The following ATP8B1 variants were observed in gnomAD, a reference collection of about 807,000 sequenced individuals.
ATP8B1 encodes phospholipid-transporting ATPase IC.
In ATP8B1, 80 loss-of-function variants were observed where a neutral mutation model predicts 149.9. The ratio of observed to expected loss-of-function variants is 0.53; its 90% CI spans 0.45 to 0.64. ATP8B1 has a LOEUF of 0.64. Ranked by LOEUF, ATP8B1 falls within the 30% of genes least tolerant of loss-of-function variation. The probability of loss-of-function intolerance (pLI) is 0.00; values close to 1 mark genes in which losing one functional copy is unlikely to be tolerated. For missense variants in ATP8B1, 1,247 were observed against 1,552.6 expected (o/e 0.80, Z 3.31); for synonymous variants, 536 against 562.8 (o/e 0.95, Z 0.67).
In ATP8B1 at chr18:57,755,945, T is replaced by C. The variant is rs550950043; in HGVS notation, c.-25-24113A>G. Among the ~76,000 whole-genome samples, 442 of 152,118 alleles carry C rather than the reference T, an allele frequency of 2.9e-3. 2 individuals carry two copies. Among genetic ancestry groups the C allele is most frequent in the African/African-American group, 9.9e-3 (412 of 41,480 alleles). ...GAACCATTTGAGCTTAAGTTACATATAGTTCATTATCCCCCTTTACCCCTA... is the reference window on the plus strand; with the variant it reads ...GAACCATTTGAGCTTAAGTTACATACAGTTCATTATCCCCCTTTACCCCTA... On this transcript the variant is annotated intron_variant, in intron 1 of 27. Coordinates refer to ENST00000648908, the MANE Select transcript of ATP8B1 (RefSeq NM_001374385.1).
chr18:57,799,503 A>G (rs142578883), intron 1 of ATP8B1, among the ~76,000 whole-genome samples: 4,618 of 152,196 alleles, frequency 0.03, 243 homozygotes, highest in African/African-American at 0.099. Context: ...TGAGGCCAGG[A>G]GTTTGAGACT....
chr18:57,730,189 A>G (rs988234476), intron 2 of ATP8B1, among the ~76,000 whole-genome samples: 3 of 150,316 alleles, frequency 2.0e-5, no homozygotes, highest in African/African-American at 7.3e-5. Flanking sequence ...AAATTATTAG[A>G]AAAAAATAGC....
At position 57,761,044 on chromosome 18, in the gene ATP8B1, AATAAAATAAC is replaced by A. The variant is rs1220732805; in HGVS notation, c.-25-29222_-25-29213del. Among the ~76,000 whole-genome samples, 330 of 148,282 alleles carry A rather than the reference AATAAAATAAC, an allele frequency of 2.2e-3. 2 individuals carry two copies. The highest frequency in any genetic ancestry group is 7.5e-3 in the African/African-American group (303 of 40,314). On this transcript the variant is annotated intron_variant, in intron 1 of 27. Coordinates refer to ENST00000648908, the MANE Select transcript of ATP8B1 (RefSeq NM_001374385.1). ...AAATAACATAAAATAAAATAAATAA[AATAAAATAAC>A]ATAAAATAACATAAAATAAAATAAA...
At chr18:57,795,081 G>A (rs2080500081) in intron 1 of ATP8B1, among the ~76,000 whole-genome samples, 1 of 152,154 alleles carries the variant, frequency 6.6e-6, no homozygotes, top group South Asian at 2.1e-4. Context: ...TGTATGCCCA[G>A]GTCCATGGCA....
chr18:57,659,426 C>G (rs1454452707), intron 22 of ATP8B1, among the ~76,000 whole-genome samples: 2 of 152,244 alleles, frequency 1.3e-5, no homozygotes, highest in Admixed American at 6.5e-5. Context: ...TGTTTCAAGT[C>G]TAAGTCACAT....
chr18:57,670,337 TTTTTTC>T (rs534984328), intron 17 of ATP8B1, among the ~76,000 whole-genome samples: 5 of 151,540 alleles, frequency 3.3e-5, no homozygotes, highest in South Asian at 2.1e-4. Context: ...CATTTTCTTT[TTTTTTC>T]TTTTTCTTTT....
rs1599096783 is a variant in ATP8B1 at position 57,671,386 on chromosome 18, TACAGCTTTC to T, written c.1932+73_1932+81del. The T allele has an allele frequency of 2.4e-6, 3 of 1,232,010 alleles. No individual in the cohort carries two copies. In the East Asian group the frequency reaches 7.0e-5, roughly 29 times the overall value. 76.3% of individuals were successfully genotyped at this position (1,232,010 alleles called of 1,614,324 possible). A position where few individuals can be genotyped will look rare whatever the true frequency, so the allele number is the denominator to read the frequency against. ...GCAAAGGGAGGGTCAGCAGTTAACA[TACAGCTTTC>T]ATGCAAACTTAACAGACAGCATCAG... On this transcript the variant is annotated intron_variant, in intron 17 of 27. Transcript: ENST00000648908.
intron 3 of ATP8B1, 60 bp downstream of exon 3, chr18:57,706,430 T>C: frequency 1.4e-6 from 2 of 1,392,070 alleles, no homozygotes; most frequent in Middle Eastern, 1.8e-4. Flanking sequence ...GTAGTAAGCA[T>C]GCCAGCTACT....
At chr18:57,659,671 A>C (rs1179094198) in intron 22 of ATP8B1, 3 of 142,426 alleles carry the variant, frequency 2.1e-5, no homozygotes, top group Non-Finnish European at 4.6e-5. Flanking sequence ...AAAAAAAAAA[A>C]AACAGTGTGG....
At chr18:57,692,051 G>C in intron 11 of ATP8B1, 54 bp from the exon 12 acceptor site, 1 of 1,567,516 alleles carries the variant, frequency 6.4e-7, no homozygotes, top group Non-Finnish European at 8.6e-7. Context: ...CCAACCTCTT[G>C]CATTTCCTAG....
At chr18:57,699,745 G>T (rs1599130370) in intron 6 of ATP8B1, among the ~76,000 whole-genome samples, 1 of 151,974 alleles carries the variant, frequency 6.6e-6, no homozygotes, top group East Asian at 1.9e-4. Flanking sequence ...AAAGACAGGA[G>T]TCTCACTAAG....
intron 1 of ATP8B1, among the ~76,000 whole-genome samples, chr18:57,797,705 T>TTA (rs201180205): frequency 2.7e-5 from 2 of 74,462 alleles, no homozygotes; most frequent in South Asian, 4.3e-4. Context: ...CTTTCTTTCT[T>TTA]TTTTTTTTTT....
At position 57,701,184 on chromosome 18, in the gene ATP8B1, A is replaced by G. The variant is rs1437504662; in HGVS notation, c.492+31T>C. The G allele has an allele frequency of 8.7e-6, 14 of 1,610,906 alleles. No homozygotes were observed. In the African/African-American group the frequency reaches 1.2e-4, roughly 14 times the overall value. On this transcript the variant is annotated intron_variant, in intron 5 of 27. Coordinates refer to ENST00000648908, the MANE Select transcript of ATP8B1 (RefSeq NM_001374385.1). ...GAGAACTTAAAGTCAACTCAAAGCA[A>G]TGAGTAGAACGTTGTATGAGAAATC...
At chr18:57,667,869 G>A (rs1416966163) in intron 19 of ATP8B1, 1 of 242,252 alleles carries the variant, frequency 4.1e-6, no homozygotes, top group East Asian at 1.0e-4. Context: ...ACTTTGCAGA[G>A]TGTGTAACCC....
At position 57,661,363 on chromosome 18, in the gene ATP8B1, T is replaced by A. The variant is rs1377878250; in HGVS notation, c.2518A>T (p.Arg840Trp). The A allele has an allele frequency of 1.2e-6, 2 of 1,613,978 alleles. No homozygotes were observed. Among genetic ancestry groups the A allele is most frequent in the East Asian group, 4.5e-5 (2 of 44,854 alleles). ...EERRMRTQSK[R>W]RLEAKKEQRQ... ...TGCTCTTTCTTAGCTTCTAGCCTCC[T>A]TTTACTTTGGGTCCGCATCCGTCTT... The change falls in exon 22 of 28, where the codon AGG becomes TGG. Residue 840 changes from arginine (R) to tryptophan (W), a missense_variant. Coordinates refer to ENST00000648908, the MANE Select transcript of ATP8B1 (RefSeq NM_001374385.1).
At chr18:57,661,909 G>A (rs185623749) in intron 21 of ATP8B1, among the ~76,000 whole-genome samples, 37 of 151,770 alleles carry the variant, frequency 2.4e-4, no homozygotes, top group African/African-American at 7.0e-4. Context: ...TAGTAGAGAC[G>A]GGGTTTCACC....
chr18:57,672,933 A>ATATAT lies in ATP8B1; in HGVS notation c.1820-1354_1820-1353insATATA, dbSNP rs36010935. On this transcript the variant is annotated intron_variant, in intron 16 of 27. Transcript: ENST00000648908. ...ATATATATATATATATATATATATA[A>ATATAT]CATGTATATACACATATATACATAC... Among the ~76,000 whole-genome samples, 27 of 43,498 alleles carry ATATAT rather than the reference A, an allele frequency of 6.2e-4. 1 individual carries two copies. The highest frequency in any genetic ancestry group is 1.8e-3 in the South Asian group (2 of 1,090). 28.5% of individuals were successfully genotyped at this position (43,498 alleles called of 152,430 possible). A position where few individuals can be genotyped will look rare whatever the true frequency, so the allele number is the denominator to read the frequency against.
chr18:57,759,878 TGGGAAACTCCTA>T (rs2080131511), intron 1 of ATP8B1, among the ~76,000 whole-genome samples: 1 of 151,642 alleles, frequency 6.6e-6, no homozygotes, highest in Non-Finnish European at 1.5e-5. Flanking sequence ...CCATCGCTGT[TGGGAAACTCCTA>T]GTCCTGCCCT....
chr18:57,796,118 A>T (rs756185720), intron 1 of ATP8B1, among the ~76,000 whole-genome samples: 5 of 152,176 alleles, frequency 3.3e-5, no homozygotes, highest in Non-Finnish European at 7.3e-5. Flanking sequence ...CAGAGAGCTG[A>T]GATCGCACCA....
Sources: gnomAD v4.1 joint callset for allele counts (sites outside exome capture counted in the v4.1 genomes callset) on GRCh38, gnomAD v4.1.1 for gene constraint, MANE v1.5 for transcripts, NCBI Gene and HGNC (gene_info 2026-07-23, HGNC 2026-07-21) for gene names.